Variants in UBP1 observed in about 807,000 individuals in gnomAD.
UBP1 encodes the protein upstream-binding protein 1.
Under a neutral mutation model 76.1 loss-of-function variants are expected in UBP1, and 22 were observed. The ratio of observed to expected loss-of-function variants is 0.29; its 90% CI spans 0.21 to 0.41. The LOEUF (loss-of-function observed/expected upper bound fraction) is 0.41, where lower values mean the gene tolerates loss of function less well. Among genes scored for constraint, UBP1 ranks in the 10% least tolerant of loss-of-function variants. The pLI is 1.00. For missense variants in UBP1, 436 were observed against 668.1 expected, an observed-to-expected ratio of 0.65 and a Z score of 3.83; for synonymous variants, 224 against 237.1, an observed-to-expected ratio of 0.94 and a Z score of 0.51.
rs1201866455 is a variant in UBP1 at position 33,397,147 on chromosome 3, CA to C, written c.1181-13del. 1 of 1,560,510 alleles carries C rather than the reference CA, an allele frequency of 6.4e-7. No individual in the cohort carries two copies. The highest frequency in any genetic ancestry group is 2.1e-5 in the Admixed American group (1 of 47,822). On this transcript the variant is annotated splice_polypyrimidine_tract_variant and intron_variant, in intron 11 of 15. Coordinates refer to ENST00000283629, the MANE Select transcript of UBP1 (RefSeq NM_014517.5). ...TAATAAGTCGGCACCTAGAGAAGAG[CA>C]AAAATATTTTTCTCAAATAAATGGA... is the stretch of plus-strand genomic sequence containing the variant.
intron 2 of UBP1, among the ~76,000 whole-genome samples, chr3:33,423,212 G>C (rs536939897): frequency 6.6e-6 from 1 of 152,036 alleles, no homozygotes; most frequent in East Asian, 1.9e-4. Flanking sequence ...GCTAATTTTT[G>C]TATTTCTAGT....
At chr3:33,396,071 A>C in intron 13 of UBP1, 91 bp downstream of exon 13, 1 of 1,206,420 alleles carries the variant, frequency 8.3e-7, no homozygotes, top group Non-Finnish European at 1.1e-6. Context: ...CTAACACAGC[A>C]AGAGTTCTCC....
chr3:33,393,505 T>G (rs2043850168), intron 13 of UBP1, 51 bp from the exon 14 acceptor site: 1 of 1,559,368 alleles, frequency 6.4e-7, no homozygotes, highest in Non-Finnish European at 8.7e-7. Flanking sequence ...ATCTTTGATC[T>G]GTTTTCTGCC....
At chr3:33,390,619 A>G in intron 15 of UBP1, 3 of 545,294 alleles carry the variant, frequency 5.5e-6, no homozygotes, top group Non-Finnish European at 9.9e-6. Flanking sequence ...ACTGTCTGCC[A>G]GTTCTGGGGG....
At chr3:33,428,812 A>T (rs1422424676) in intron 1 of UBP1, among the ~76,000 whole-genome samples, 1 of 151,352 alleles carries the variant, frequency 6.6e-6, no homozygotes, top group Non-Finnish European at 1.5e-5. Flanking sequence ...CGTCTCAAAA[A>T]AAAAAAAAAA....
At chr3:33,414,374 C>G (rs73826497) in intron 3 of UBP1, among the ~76,000 whole-genome samples, 6,667 of 152,086 alleles carry the variant, frequency 0.044, 471 homozygotes, top group African/African-American at 0.15. Flanking sequence ...AGGAGATTGA[C>G]TGCATTTTCA....
intron 2 of UBP1, among the ~76,000 whole-genome samples, chr3:33,420,875 G>A (rs111521401): frequency 2.0e-5 from 3 of 152,010 alleles, no homozygotes; most frequent in East Asian, 1.9e-4. Context: ...CACCCTCTTC[G>A]GCCTCCCAAA....
At chr3:33,409,645 TG>T in intron 5 of UBP1, 44 bp from the exon 6 acceptor site, 1 of 1,612,702 alleles carries the variant, frequency 6.2e-7, no homozygotes, top group Non-Finnish European at 8.5e-7. Flanking sequence ...GAACTTCCAC[TG>T]GTTATTTTTC....
intron 1 of UBP1, among the ~76,000 whole-genome samples, chr3:33,430,148 A>C (rs2045088917): frequency 6.6e-6 from 1 of 152,246 alleles, no homozygotes; most frequent in Non-Finnish European, 1.5e-5. Flanking sequence ...TAAAGAACTA[A>C]CAAGATAAAG....
chr3:33,439,898 G>A lies in UBP1; in HGVS notation c.-50C>T. On this transcript the variant is annotated 5_prime_UTR_variant, in exon 1 of 16. Transcript: ENST00000283629. Reference sequence around the variant, plus strand: ...ACACCGCGGCCTCCGCGTCCAGGGCGAAGGAGCCGGAGCTCCGCTGGCGCG... The same window carrying A: ...ACACCGCGGCCTCCGCGTCCAGGGCAAAGGAGCCGGAGCTCCGCTGGCGCG... The A allele has an allele frequency of 1.2e-6, 2 of 1,600,022 alleles. No homozygotes were observed. Among genetic ancestry groups the A allele is most frequent in the Middle Eastern group, 3.4e-4 (2 of 5,892 alleles).
rs115235761 is a variant in UBP1 at position 33,428,601 on chromosome 3, T to C, written c.114-2860A>G. On this transcript the variant is annotated intron_variant, in intron 1 of 15. Coordinates refer to ENST00000283629, the MANE Select transcript of UBP1 (RefSeq NM_014517.5). ...AAAATACTATGCTCATGGTAAGTGC[T>C]AAACGACTCCTGAACAAACATATAA... Among the ~76,000 whole-genome samples, 451 of 152,238 alleles carry C rather than the reference T, an allele frequency of 3.0e-3. 2 individuals are homozygous for C. The highest frequency in any genetic ancestry group is 0.01 in the African/African-American group (424 of 41,530).
intron 2 of UBP1, among the ~76,000 whole-genome samples, chr3:33,418,390 G>A (rs534329499): frequency 6.6e-6 from 1 of 151,980 alleles, no homozygotes; most frequent in Non-Finnish European, 1.5e-5. Context: ...GAGTACCTGG[G>A]ATTACAGGTG....
chr3:33,391,434 C>T (rs2043757821), intron 15 of UBP1: 1 of 152,200 alleles, frequency 6.6e-6, no homozygotes, highest in Non-Finnish European at 1.5e-5. Flanking sequence ...ATGACCTTAA[C>T]AACTTCTACA....
At chr3:33,441,022 TGGTTGCATTGCCGAGAG>T (rs2045293545), upstream of UBP1, 1 of 152,252 alleles carries the variant, frequency 6.6e-6, no homozygotes, top group Non-Finnish European at 1.5e-5. Context: ...CTTCCCCTAT[TGGTTGCATTGCCGAGAG>T]CAGCTTGGCT....
At chr3:33,439,307 A>T (rs376737484) in intron 1 of UBP1, among the ~76,000 whole-genome samples, 1 of 152,244 alleles carries the variant, frequency 6.6e-6, no homozygotes, top group East Asian at 1.9e-4. Flanking sequence ...AAAGATCATA[A>T]TGTAGGACAA....
rs761913439 is a variant in UBP1 at position 33,416,498 on chromosome 3, GT to G, written c.342+259del. 2.4e-4 allele frequency among the ~76,000 whole-genome samples: 36 copies of G among 152,214 alleles called. 1 individual carries two copies. In the Middle Eastern group the frequency reaches 0.024, roughly 101 times the overall value. ...CTTTTACTTTTAGAGAGGCTTATAG[GT>G]TTTTGTTGTGGTGATGAGTTTTTTA... On this transcript the variant is annotated intron_variant, in intron 3 of 15. Transcript: ENST00000283629.
chr3:33,397,806 A>C (rs558704975), intron 11 of UBP1: 2 of 152,198 alleles, frequency 1.3e-5, no homozygotes, highest in African/African-American at 4.8e-5. Flanking sequence ...GGTTTCCTAT[A>C]GCACCACCTA....
At chr3:33,395,698 TTGCACATATGTTATGC>T (rs2043951938) in intron 13 of UBP1, among the ~76,000 whole-genome samples, 7 of 145,294 alleles carry the variant, frequency 4.8e-5, no homozygotes, top group African/African-American at 1.8e-4. Context: ...GCAGGCACTG[TTGCACATATGTTATGC>T]TTTAAGAGTT....
At chr3:33,439,165 A>AG (rs1242479816) in intron 1 of UBP1, among the ~76,000 whole-genome samples, 1 of 152,242 alleles carries the variant, frequency 6.6e-6, no homozygotes, top group African/African-American at 2.4e-5. Context: ...ACAGCCTGAG[A>AG]GGGTAGTCTC....
Sources: allele counts gnomAD v4.1 joint callset (sites outside exome capture counted in the v4.1 genomes callset), GRCh38; gene constraint gnomAD v4.1.1; transcripts MANE v1.5; gene names NCBI Gene and HGNC (gene_info 2026-07-23, HGNC 2026-07-21).